The following CHL1 variants were observed in gnomAD, a reference collection of about 807,000 sequenced individuals.
CHL1 encodes the protein neural cell adhesion molecule L1-like protein.
In CHL1, 96 loss-of-function variants were observed where a neutral mutation model predicts 141.9. The observed-to-expected ratio is 0.68, with a 90% CI of 0.57 to 0.80. The LOEUF is 0.80. Ranked by LOEUF, CHL1 falls within the 30% of genes least tolerant of loss-of-function variation. The pLI is 0.00. For missense variants in CHL1, 1,820 were observed against 1,457.2 expected (o/e 1.25, Z -4.05); for synonymous variants, 613 against 502.2 (o/e 1.22, Z -2.95).
chr3:276,890 TAA>T (rs11292528), intron 2 of CHL1, among the ~76,000 whole-genome samples: 1,003 of 64,424 alleles, frequency 0.016, 14 homozygotes, highest in African/African-American at 0.052. Flanking sequence ...CTCCGTCTCC[TAA>T]AAAAAAAAAA....
At chr3:286,964 G>T (rs893041045) in intron 2 of CHL1, among the ~76,000 whole-genome samples, 1 of 151,974 alleles carries the variant, frequency 6.6e-6, no homozygotes, top group Non-Finnish European at 1.5e-5. Flanking sequence ...GGTGGGATTT[G>T]GCCAGCTTCT....
rs58142444 is a variant in CHL1, at chr3:284,191, G to A, written c.-94-35492G>A. Among the ~76,000 whole-genome samples, 1,331 of 152,210 alleles carry A rather than the reference G, an allele frequency of 8.7e-3. 16 individuals carry two copies. The highest frequency in any genetic ancestry group is 0.031 in the African/African-American group (1,270 of 41,552). ...CTAATAAGTGTTTTGTTTACAATAAGGCAGGAAGTTATAAGGGAAAGACAG... is the reference window on the plus strand; with the variant it reads ...CTAATAAGTGTTTTGTTTACAATAAAGCAGGAAGTTATAAGGGAAAGACAG... On this transcript the variant is annotated intron_variant, in intron 2 of 27. Transcript: ENST00000256509.
chr3:405,048 A>G (rs1390621091), intron 27 of CHL1, among the ~76,000 whole-genome samples: 1 of 152,102 alleles, frequency 6.6e-6, no homozygotes, highest in Non-Finnish European at 1.5e-5. Context: ...GGGCACTAAT[A>G]TCATTCACTA....
chr3:359,452 A>G (rs568543028), intron 11 of CHL1, among the ~76,000 whole-genome samples: 1 of 151,956 alleles, frequency 6.6e-6, no homozygotes, highest in African/African-American at 2.4e-5. Context: ...ACAGGAGTGC[A>G]CCACCACACC....
intron 5 of CHL1, among the ~76,000 whole-genome samples, chr3:334,961 C>A (rs776734474): frequency 4.6e-5 from 7 of 152,208 alleles, no homozygotes; most frequent in Non-Finnish European, 1.0e-4. Context: ...AAAAGTAACA[C>A]TGCAATTTGC....
intron 1 of CHL1, among the ~76,000 whole-genome samples, chr3:208,232 G>T (rs73007362): frequency 1.8e-4 from 28 of 152,300 alleles, no homozygotes; most frequent in Non-Finnish European, 3.5e-4. Flanking sequence ...AAAGGTGCCA[G>T]CTATTATTAT....
chr3:310,383 C>T (rs562346859), intron 2 of CHL1, among the ~76,000 whole-genome samples: 1 of 152,162 alleles, frequency 6.6e-6, no homozygotes, highest in South Asian at 2.1e-4. Context: ...GTGATTTCAC[C>T]ACTGCTGTTA....
intron 1 of CHL1, among the ~76,000 whole-genome samples, chr3:231,766 G>A (rs112447694): frequency 4.4e-4 from 67 of 151,594 alleles, no homozygotes; most frequent in Non-Finnish European, 8.8e-4. Flanking sequence ...TAGTAGAGAC[G>A]GGGTTTCACC....
At chr3:370,025 T>C (rs1387047016) in intron 15 of CHL1, among the ~76,000 whole-genome samples, 2 of 152,236 alleles carry the variant, frequency 1.3e-5, no homozygotes, top group Non-Finnish European at 2.9e-5. Flanking sequence ...GATTTTTGCA[T>C]CAATGTTCAT....
intron 19 of CHL1, chr3:384,526 TCAC>T: frequency 6.6e-6 from 1 of 152,302 alleles, no homozygotes; most frequent in Non-Finnish European, 1.5e-5. Context: ...TAAATAGACT[TCAC>T]CATTTGAATT....
intron 16 of CHL1, among the ~76,000 whole-genome samples, chr3:379,857 T>A (rs1205247486): frequency 6.6e-6 from 1 of 152,032 alleles, no homozygotes; most frequent in Non-Finnish European, 1.5e-5. Context: ...TCTCGACAAT[T>A]GACAATAAAA....
intron 2 of CHL1, among the ~76,000 whole-genome samples, chr3:264,690 C>G (rs919961442): frequency 6.6e-6 from 1 of 152,172 alleles, no homozygotes; most frequent in Non-Finnish European, 1.5e-5. Context: ...AATGAATGAT[C>G]CTTGGTCTTT....
At chr3:404,467 A>C (rs960763949) in intron 27 of CHL1, among the ~76,000 whole-genome samples, 7 of 152,178 alleles carry the variant, frequency 4.6e-5, no homozygotes, top group Admixed American at 1.3e-4. Flanking sequence ...TACTTAAAAA[A>C]ATCTTGATCC....
At chr3:348,210 G>A (rs1702930808) in intron 9 of CHL1, among the ~76,000 whole-genome samples, 1 of 151,974 alleles carries the variant, frequency 6.6e-6, no homozygotes, top group African/African-American at 2.4e-5. Context: ...TATAAGTTGG[G>A]GTATATCATT....
At chr3:212,134 G>A (rs941115955) in intron 1 of CHL1, among the ~76,000 whole-genome samples, 1 of 152,034 alleles carries the variant, frequency 6.6e-6, no homozygotes, top group African/African-American at 2.4e-5. Flanking sequence ...ATGCAGAGTG[G>A]TAGAGGCTGG....
In CHL1 at chr3:349,531, G is replaced by A. The variant is rs778570130; in HGVS notation, c.1021G>A (p.Val341Ile). ...FLGTATHDFH[V>I]IVEEPPRWTK... ...GGGAACAGCCACTCACGATTTTCAC[G>A]TTATAGTAGAAGGTACCTTTCCCAT... The change falls in exon 10 of 28, where the codon GTT (valine) becomes ATT (isoleucine). Residue 341 changes from valine (V) to isoleucine (I), a missense_variant. Coordinates refer to ENST00000256509, the MANE Select transcript of CHL1 (RefSeq NM_006614.4). 23 of 1,612,962 alleles carry A rather than the reference G, an allele frequency of 1.4e-5. No homozygotes were observed. Among genetic ancestry groups the A allele is most frequent in the Admixed American group, 1.7e-5 (1 of 59,696 alleles).
intron 23 of CHL1, among the ~76,000 whole-genome samples, chr3:392,821 G>A (rs1302032197): frequency 6.6e-6 from 1 of 152,208 alleles, no homozygotes; most frequent in Non-Finnish European, 1.5e-5. Context: ...AATCCCAACG[G>A]AAGTAGACTT....
At chr3:337,942 A>ACC (rs375051526) in intron 5 of CHL1, among the ~76,000 whole-genome samples, 154 of 152,278 alleles carry the variant, frequency 1.0e-3, no homozygotes, top group African/African-American at 3.2e-3. Context: ...CCTGAGGAAT[A>ACC]ACACTGTCTT....
At chr3:382,734 T>TA (rs987965364) in intron 18 of CHL1, 63 bp downstream of exon 18, 5,070 of 1,210,002 alleles carry the variant, frequency 4.2e-3, no homozygotes, top group African/African-American at 4.8e-3. Context: ...TTTGAACATC[T>TA]AAAAAAAAAA....
Sources: allele counts gnomAD v4.1 joint callset (sites outside exome capture counted in the v4.1 genomes callset), GRCh38; gene constraint gnomAD v4.1.1; transcripts MANE v1.5; gene names NCBI Gene and HGNC (gene_info 2026-07-23, HGNC 2026-07-21).